Variants in ZBED4 observed in about 807,000 individuals in gnomAD.
ZBED4 encodes the protein zinc finger BED-type containing 4.
Under a neutral mutation model 15.5 loss-of-function variants are expected in ZBED4, and 4 were observed. The observed-to-expected ratio is 0.26, with a 90% CI of 0.13 to 0.59. The LOEUF is 0.59. ZBED4 is among the 20% of genes least tolerant of loss of function. The pLI is 0.90. For synonymous variants in ZBED4, 692 were observed against 608.5 expected, an observed-to-expected ratio of 1.14 and a Z score of -2.02; for missense variants, 1,323 against 1,461.8, an observed-to-expected ratio of 0.91 and a Z score of 1.55.
chr22:49,883,516 A>T lies in ZBED4; in HGVS notation c.-147A>T. 1.7e-6 allele frequency: 2 copies of T among 1,148,820 alleles called. No individual in the cohort carries two copies. The highest frequency in any genetic ancestry group is 2.4e-6 in the Non-Finnish European group (2 of 843,474). The allele number at this position is 1,148,820 out of a possible 1,614,324, so 71.2% of individuals were successfully genotyped here. On this transcript the variant is annotated 5_prime_UTR_variant, in exon 2 of 2. Transcript: ENST00000216268. ...GTCACAGATTCTTTTTTTCAGTACT[A>T]TTTATGATTAGCCATATTTCTAGAA...
At chr22:49,873,979 G>A (rs865971358) in intron 1 of ZBED4, among the ~76,000 whole-genome samples, 9 of 152,382 alleles carry the variant, frequency 5.9e-5, no homozygotes, top group Middle Eastern at 3.4e-3. Context: ...GAGCTGGCCC[G>A]TGCCGAGAAC....
At position 49,883,452 on chromosome 22, in the gene ZBED4, G is replaced by A; in HGVS notation, c.-211G>A. 1 of 571,446 alleles carries A rather than the reference G, an allele frequency of 1.7e-6. No individual in the cohort carries two copies. The highest frequency in any genetic ancestry group is 2.8e-6 in the Non-Finnish European group (1 of 359,504). The allele number at this position is 571,446 out of a possible 1,614,324, so 35.4% of individuals were successfully genotyped here. A position where few individuals can be genotyped will look rare whatever the true frequency, so the allele number is the denominator to read the frequency against. ...CTACACCATGAGTGTTTAGTAGCAG[G>A]ACTCTTGGAAAGCAGTGATCTATGC... On this transcript the variant is annotated 5_prime_UTR_variant, in exon 2 of 2. Coordinates refer to ENST00000216268, the MANE Select transcript of ZBED4 (RefSeq NM_014838.3).
rs752567174 is a variant in ZBED4 at position 49,886,649 on chromosome 22, C to T, written c.2987C>T (p.Thr996Ile). ...GCCATGGTGAGCCGCCTGTCTGCCA[C>T]CCTCCACGACCCGCGGTACGTCTTC... ...KEAMVSRLSA[T>I]LHDPRYVFAT... The change falls in exon 2 of 2, where the codon ACC becomes ATC. Residue 996 changes from threonine to isoleucine, a missense_variant. Transcript: ENST00000216268. This position sits in a 1 kb window ranked among gnomAD's most constrained non-coding sequence, Gnocchi z 7.7. 3.9e-5 allele frequency: 62 copies of T among 1,598,916 alleles called. No homozygotes were observed. The highest frequency in any genetic ancestry group is 5.2e-5 in the Non-Finnish European group (61 of 1,172,974).
intron 1 of ZBED4, among the ~76,000 whole-genome samples, chr22:49,882,868 C>T (rs148241869): frequency 1.3e-5 from 2 of 152,360 alleles, no homozygotes; most frequent in East Asian, 3.9e-4. Context: ...GTTTCCTATT[C>T]AGCTTTTCGT....
intron 1 of ZBED4, among the ~76,000 whole-genome samples, chr22:49,856,037 C>T (rs1263687639): frequency 6.6e-6 from 1 of 152,262 alleles, no homozygotes; most frequent in Non-Finnish European, 1.5e-5. Context: ...GGATTCGGGC[C>T]TCTCTGCATC....
In ZBED4 at chr22:49,886,479, C is replaced by T; in HGVS notation, c.2817C>T (p.Pro939=). The change falls in exon 2 of 2, where the codon CCC becomes CCT. Residue 939 remains proline (P), a synonymous_variant. Coordinates refer to ENST00000216268, the MANE Select transcript of ZBED4 (RefSeq NM_014838.3). The surrounding 1 kb of genome is among the most constrained non-coding windows in gnomAD (Gnocchi z 7.7). The part of the protein sequence containing the change: ...VMQSVCRALK[P]FEAASREMST... ...AGTCCGTGTGCCGTGCGCTAAAGCCCTTCGAGGCTGCGAGCCGGGAGATGA... is the reference window on the plus strand; with the variant it reads ...AGTCCGTGTGCCGTGCGCTAAAGCCTTTCGAGGCTGCGAGCCGGGAGATGA... 1.9e-6 allele frequency: 3 copies of T among 1,570,492 alleles called. No homozygotes were observed. Among genetic ancestry groups the T allele is most frequent in the Non-Finnish European group, 2.6e-6 (3 of 1,156,658 alleles).
At chr22:49,863,350 C>G (rs931781927) in intron 1 of ZBED4, among the ~76,000 whole-genome samples, 8 of 151,498 alleles carry the variant, frequency 5.3e-5, no homozygotes, top group Non-Finnish European at 1.0e-4. Context: ...TTTTGTAGGC[C>G]GGGTGTGGTG....
intron 1 of ZBED4, among the ~76,000 whole-genome samples, chr22:49,862,222 C>T (rs1189249008): frequency 1.3e-5 from 2 of 152,198 alleles, no homozygotes; most frequent in African/African-American, 4.8e-5. Context: ...GGAACCTATA[C>T]GGAGCGGCCC....
chr22:49,865,400 A>G (rs2060317705), intron 1 of ZBED4, among the ~76,000 whole-genome samples: 1 of 152,066 alleles, frequency 6.6e-6, no homozygotes, highest in South Asian at 2.1e-4. Flanking sequence ...CTCTAATCCC[A>G]GCACTTCGGG....
chr22:49,883,846 G>A lies in ZBED4; in HGVS notation c.184G>A (p.Gly62Ser), dbSNP rs149368184. Residue 62 changes from glycine to serine, a missense_variant, in exon 2 of 2, where the codon GGT becomes AGT. Coordinates refer to ENST00000216268, the MANE Select transcript of ZBED4 (RefSeq NM_014838.3). ...TDSGGERAGL[G>S]GTGCSCKPPG... is the part of the protein sequence containing the mutation. Reference sequence around the variant, plus strand: ...CAGCGGTGGGGAGCGAGCGGGCCTCGGTGGGACGGGTTGCAGCTGCAAGCC... The same window carrying A: ...CAGCGGTGGGGAGCGAGCGGGCCTCAGTGGGACGGGTTGCAGCTGCAAGCC... The A allele has an allele frequency of 5.1e-3, 8,219 of 1,609,782 alleles. 72 individuals carry two copies. The highest frequency in any genetic ancestry group is 0.026 in the South Asian group (2,356 of 90,992).
intron 1 of ZBED4, among the ~76,000 whole-genome samples, chr22:49,873,908 G>A (rs1218535592): frequency 1.3e-5 from 2 of 152,236 alleles, no homozygotes; most frequent in South Asian, 4.1e-4. Context: ...CATAAGGGCT[G>A]GGGAATGGGG....
chr22:49,883,506 T>C lies in ZBED4; in HGVS notation c.-157T>C. 9.4e-7 allele frequency: 1 copy of C among 1,066,108 alleles called. No individual in the cohort carries two copies. Among genetic ancestry groups the C allele is most frequent in the Non-Finnish European group, 1.3e-6 (1 of 775,912 alleles). The allele number at this position is 1,066,108 out of a possible 1,614,324, so 66.0% of individuals were successfully genotyped here. A position where few individuals can be genotyped will look rare whatever the true frequency, so the allele number is the denominator to read the frequency against. ...AAGACCATGAGTCACAGATTCTTTT[T>C]TTCAGTACTATTTATGATTAGCCAT... On this transcript the variant is annotated 5_prime_UTR_variant, in exon 2 of 2. Transcript: ENST00000216268.
rs747120999 is a variant in ZBED4, at chr22:49,886,237, C to T, written c.2575C>T (p.Arg859Trp). The change falls in exon 2 of 2, where the codon CGG becomes TGG. Residue 859 changes from arginine (R) to tryptophan (W), a missense_variant. Arg to Trp is a moderately radical substitution (Grantham distance 101). Coordinates refer to ENST00000216268, the MANE Select transcript of ZBED4 (RefSeq NM_014838.3). The surrounding 1 kb of genome is among the most constrained non-coding windows in gnomAD (Gnocchi z 7.7). ...GAGCCTCGCCCGGAAGATCTGCGAG[C>T]GGGTGCACCGGTCGCCCAAGGCGAA... Reference protein sequence around the residue: ...LLSLARKICERVHRSPKAKEK... With the variant: ...LLSLARKICEWVHRSPKAKEK... 20 of 959,302 alleles carry T rather than the reference C, an allele frequency of 2.1e-5. No homozygotes were observed. Among genetic ancestry groups the T allele is most frequent in the Middle Eastern group, 2.2e-4 (1 of 4,620 alleles). The allele number at this position is 959,302 out of a possible 1,614,324, so 59.4% of individuals were successfully genotyped here. A position where few individuals can be genotyped will look rare whatever the true frequency, so the allele number is the denominator to read the frequency against.
chr22:49,874,066 C>T (rs775734189), intron 1 of ZBED4, among the ~76,000 whole-genome samples: 11 of 152,250 alleles, frequency 7.2e-5, no homozygotes, highest in Non-Finnish European at 1.3e-4. Flanking sequence ...AGAGGCCTTA[C>T]AACCTTTATG....
Position 49,883,800 on chromosome 22 carries a change from G to C in ZBED4, c.138G>C (p.Gln46His). The change falls in exon 2 of 2, where the codon CAG becomes CAC. Residue 46 changes from glutamine (Q) to histidine (H), a missense_variant. By Grantham distance (24) the Gln-to-His change is conservative. Transcript: ENST00000216268. ...SLERMDFKSE[Q>H]EDMKQTDSGG... is the part of the protein sequence containing the mutation. ...AAAGAATGGACTTTAAAAGCGAGCA[G>C]GAGGACATGAAGCAGACAGACAGCG... is the stretch of plus-strand genomic sequence containing the variant. 6.2e-7 allele frequency: 1 copy of C among 1,613,496 alleles called. No homozygotes were observed.
At chr22:49,879,156 AAAAAC>A (rs1229122787) in intron 1 of ZBED4, among the ~76,000 whole-genome samples, 1 of 150,586 alleles carries the variant, frequency 6.6e-6, no homozygotes, top group Admixed American at 6.6e-5. Flanking sequence ...AAAAAAAACA[AAAAAC>A]AAAAAAAAAC....
intron 1 of ZBED4, among the ~76,000 whole-genome samples, chr22:49,860,299 A>AAAAAC (rs891508157): frequency 1.7e-4 from 26 of 152,372 alleles, no homozygotes; most frequent in East Asian, 1.3e-3. Context: ...ACCCTGTATC[A>AAAAAC]AAAACAAAAC....
At chr22:49,880,243 G>T (rs6009339) in intron 1 of ZBED4, among the ~76,000 whole-genome samples, 22,251 of 152,174 alleles carry the variant, frequency 0.15, 4,416 homozygotes, top group African/African-American at 0.45. Context: ...TTCACTCTTG[G>T]TGGTGGAAAC....
At position 49,883,884 on chromosome 22, in the gene ZBED4, C is replaced by T. The variant is rs1176647183; in HGVS notation, c.222C>T (p.Tyr74=). 3 of 1,606,434 alleles carry T rather than the reference C, an allele frequency of 1.9e-6. No individual in the cohort carries two copies. Among genetic ancestry groups the T allele is most frequent in the Admixed American group, 1.7e-5 (1 of 59,484 alleles). Residue 74 remains tyrosine, a synonymous_variant, in exon 2 of 2, where the codon TAC becomes TAT. Transcript: ENST00000216268. ...GCAGCTGCAAGCCCCCGGGGAAGTA[C>T]TTGTCTGCAGAGAGTGAGGATGACT... is the stretch of plus-strand genomic sequence containing the variant. ...TGCSCKPPGK[Y]LSAESEDDYG...
Sources: gnomAD v4.1 joint callset for allele counts (sites outside exome capture counted in the v4.1 genomes callset) on GRCh38, gnomAD v4.1.1 for gene constraint, Gnocchi (gnomAD v3.1) non-coding constraint, MANE v1.5 for transcripts, NCBI Gene and HGNC (gene_info 2026-07-23, HGNC 2026-07-21) for gene names.